Variants in LRRC2 observed in about 807,000 individuals in gnomAD.
The protein encoded by LRRC2 is leucine-rich repeat-containing protein 2.
In LRRC2, 27 loss-of-function variants were observed where a neutral mutation model predicts 40.2. The observed-to-expected ratio is 0.67, with a 90% CI of 0.49 to 0.93. LRRC2 has a LOEUF of 0.93. Ranked by LOEUF, LRRC2 falls within the 40% of genes least tolerant of loss-of-function variation. LRRC2 has a pLI of 0.00. For missense variants in LRRC2, 402 were observed against 439.6 expected (o/e 0.91, Z 0.76); for synonymous variants, 147 against 158.9 (o/e 0.92, Z 0.56).
At chr3:46,539,485 A>AAT (rs1320423447) in intron 3 of LRRC2, among the ~76,000 whole-genome samples, 14 of 152,196 alleles carry the variant, frequency 9.2e-5, no homozygotes, top group Admixed American at 9.2e-4. Context: ...TTAGAGCCAC[A>AAT]ATGTGTATTA....
Position 46,545,108 on chromosome 3 carries a change from G to A in LRRC2, c.271C>T (p.Pro91Ser). The A allele has an allele frequency of 6.2e-7, 1 of 1,614,078 alleles. No individual in the cohort carries two copies. Among genetic ancestry groups the A allele is most frequent in the Non-Finnish European group, 8.5e-7 (1 of 1,180,022 alleles). The part of the protein sequence containing the change: ...RNTLTRQSSL[P>S]KDRGKRSSAF... Reference sequence around the variant, plus strand: ...CTGCTCCGTTTGCCTCTGTCCTTGGGAAGTGAACTCTGCCTTGTGAGAGTG... The same window carrying A: ...CTGCTCCGTTTGCCTCTGTCCTTGGAAAGTGAACTCTGCCTTGTGAGAGTG... Residue 91 changes from proline (P) to serine (S), a missense_variant, in exon 3 of 9, where the codon CCC becomes TCC. Physicochemically the swap from Pro to Ser is moderately conservative, Grantham distance 74. Coordinates refer to ENST00000395905, the MANE Select transcript of LRRC2 (RefSeq NM_024512.5).
intron 1 of LRRC2, among the ~76,000 whole-genome samples, chr3:46,560,366 CTTTGTAAAATAAACTCTAGT>C (rs1704907995): frequency 1.3e-5 from 2 of 152,198 alleles, no homozygotes; most frequent in Non-Finnish European, 1.5e-5. Context: ...CTAATCTCTT[CTTTGTAAAATAAACTCTAGT>C]CAACACAATC....
chr3:46,520,226 T>C (rs1049203380), intron 8 of LRRC2, among the ~76,000 whole-genome samples: 35 of 149,788 alleles, frequency 2.3e-4, no homozygotes, highest in African/African-American at 8.5e-4. Context: ...AATTGATTAA[T>C]TTTAAAAGCA....
chr3:46,524,916 T>C (rs1334816516), intron 7 of LRRC2, among the ~76,000 whole-genome samples: 2 of 152,118 alleles, frequency 1.3e-5, no homozygotes, highest in Admixed American at 6.6e-5. Flanking sequence ...CTTCATACCA[T>C]ATGAAGTCAT....
intron 4 of LRRC2, among the ~76,000 whole-genome samples, chr3:46,538,540 A>G (rs1482454527): frequency 6.6e-6 from 1 of 152,098 alleles, no homozygotes; most frequent in Admixed American, 6.6e-5. Flanking sequence ...AGGCTGAGGC[A>G]GGAGAATCAC....
rs1355493848 is a variant in LRRC2, at chr3:46,545,267, C to G, written c.126-14G>C. ...TCCTCCTTTATCCTAAAACAGGCAG[C>G]AGGGGTCACAGTTACTCTCCTGGGG... On this transcript the variant is annotated splice_polypyrimidine_tract_variant and intron_variant, in intron 2 of 8. Transcript: ENST00000395905. 1 of 1,611,860 alleles carries G rather than the reference C, an allele frequency of 6.2e-7. No individual in the cohort carries two copies. The highest frequency in any genetic ancestry group is 8.5e-7 in the Non-Finnish European group (1 of 1,178,632).
chr3:46,520,710 G>T (rs1461891232), intron 8 of LRRC2, among the ~76,000 whole-genome samples: 1 of 152,198 alleles, frequency 6.6e-6, no homozygotes, highest in Non-Finnish European at 1.5e-5. Flanking sequence ...GAGGCCCAGG[G>T]CCAGTGCGCT....
At position 46,539,171 on chromosome 3, in the gene LRRC2, G is replaced by A. The variant is rs1272253840; in HGVS notation, c.364C>T (p.His122Tyr). 5 of 1,613,782 alleles carry A rather than the reference G, an allele frequency of 3.1e-6. No homozygotes were observed. Among genetic ancestry groups the A allele is most frequent in the African/African-American group, 2.7e-5 (2 of 74,906 alleles). Residue 122 changes from histidine to tyrosine, a missense_variant, in exon 4 of 9, where the codon CAC becomes TAC. Physicochemically the swap from His to Tyr is moderately conservative, Grantham distance 83. Coordinates refer to ENST00000395905, the MANE Select transcript of LRRC2 (RefSeq NM_024512.5). ...ELPDSLKEQT[H>Y]LREWYISNTL... ...TTGCTTATGTACCATTCTCTCAGGT[G>A]TGTCTGCTCCTTCAATGAATCTGGG...
At chr3:46,534,424 C>T (rs918373682) in intron 4 of LRRC2, among the ~76,000 whole-genome samples, 5 of 103,774 alleles carry the variant, frequency 4.8e-5, no homozygotes, top group African/African-American at 1.1e-4. Context: ...TCCTTCCTTC[C>T]TTTCTTTCTT....
At position 46,515,813 on chromosome 3, in the gene LRRC2, G is replaced by A. The variant is rs1703849930; in HGVS notation, c.*3201C>T. On this transcript the variant is annotated 3_prime_UTR_variant, in exon 9 of 9. Coordinates refer to ENST00000395905, the MANE Select transcript of LRRC2 (RefSeq NM_024512.5). ...CCATATGTAACACATACCTTAGCAT[G>A]ACATAAAATTCCAAAATCATTCAAG... 1 of 151,988 alleles carries A rather than the reference G, an allele frequency of 6.6e-6. No individual in the cohort carries two copies. Among genetic ancestry groups the A allele is most frequent in the Non-Finnish European group, 1.5e-5 (1 of 67,982 alleles). The allele number at this position is 151,988 out of a possible 1,614,324, so 9.4% of individuals were successfully genotyped here. A position where few individuals can be genotyped will look rare whatever the true frequency, so the allele number is the denominator to read the frequency against.
At chr3:46,538,922 T>C in intron 4 of LRRC2, 123 bp downstream of exon 4, 1 of 1,110,816 alleles carries the variant, frequency 9.0e-7, no homozygotes, top group Non-Finnish European at 1.3e-6. Context: ...CAAACGGCCC[T>C]GCCCAACCAC....
At chr3:46,549,812 C>T (rs1004440771) in intron 2 of LRRC2, among the ~76,000 whole-genome samples, 12 of 152,338 alleles carry the variant, frequency 7.9e-5, no homozygotes, top group Admixed American at 5.2e-4. Flanking sequence ...CTGCCAAGGG[C>T]GTGGGCCTCC....
chr3:46,549,895 G>T (rs1374138351), intron 2 of LRRC2, among the ~76,000 whole-genome samples: 2 of 152,256 alleles, frequency 1.3e-5, no homozygotes, highest in African/African-American at 4.8e-5. Flanking sequence ...GCAGGGCTGA[G>T]AGCTACTTTG....
chr3:46,558,604 C>G (rs1575363361), intron 1 of LRRC2: 2 of 152,256 alleles, frequency 1.3e-5, no homozygotes, highest in Admixed American at 1.3e-4. Context: ...AACAAACTTA[C>G]GGAGCTGTTT....
At chr3:46,565,173 G>T (rs1705031014) in intron 1 of LRRC2, among the ~76,000 whole-genome samples, 1 of 152,206 alleles carries the variant, frequency 6.6e-6, no homozygotes, top group African/African-American at 2.4e-5. Flanking sequence ...AATCCAGCCA[G>T]GGGAGGCAGA....
chr3:46,539,678 A>G (rs1704344082), intron 3 of LRRC2, among the ~76,000 whole-genome samples: 1 of 152,224 alleles, frequency 6.6e-6, no homozygotes, highest in Non-Finnish European at 1.5e-5. Context: ...AGCATGAGAA[A>G]GACAGTCAGC....
chr3:46,525,542 GCCTGGCCACACTATAAT>G (rs1704044574), intron 7 of LRRC2, among the ~76,000 whole-genome samples: 2 of 152,064 alleles, frequency 1.3e-5, no homozygotes, highest in South Asian at 4.1e-4. Context: ...GAGCCACTGT[GCCTGGCCACACTATAAT>G]CCTTGATAAG....
intron 1 of LRRC2, among the ~76,000 whole-genome samples, chr3:46,556,227 C>T (rs1019175068): frequency 6.6e-6 from 1 of 152,048 alleles, no homozygotes; most frequent in Non-Finnish European, 1.5e-5. Context: ...TCAAACAATC[C>T]TCCCATCTCA....
At chr3:46,563,040 T>C (rs1704980310) in intron 1 of LRRC2, among the ~76,000 whole-genome samples, 1 of 152,104 alleles carries the variant, frequency 6.6e-6, no homozygotes, top group Non-Finnish European at 1.5e-5. Flanking sequence ...GTCACTTCTT[T>C]TGCTTCGTTT....
Sources: allele counts gnomAD v4.1 joint callset (sites outside exome capture counted in the v4.1 genomes callset), GRCh38; gene constraint gnomAD v4.1.1; transcripts MANE v1.5; gene names NCBI Gene and HGNC (gene_info 2026-07-23, HGNC 2026-07-21).